The following EZH1 variants were observed in gnomAD, a reference collection of about 807,000 sequenced individuals.
The protein encoded by EZH1 is histone-lysine N-methyltransferase EZH1.
A neutral mutation model predicts 100.5 loss-of-function variants in EZH1; 33 were observed. The ratio of observed to expected loss-of-function variants is 0.33; its 90% CI spans 0.25 to 0.44. The LOEUF (loss-of-function observed/expected upper bound fraction) is 0.44. Ranked by LOEUF, EZH1 falls within the 20% of genes least tolerant of loss-of-function variation. The pLI, the probability that EZH1 is intolerant of heterozygous loss-of-function variation, is 1.00. For missense variants in EZH1, 475 were observed against 928.4 expected (o/e 0.51, Z 6.35); for synonymous variants, 272 against 313.8 (o/e 0.87, Z 1.41).
chr17:42,730,082 C>A (rs2053910896), intron 2 of EZH1, among the ~76,000 whole-genome samples: 2 of 151,948 alleles, frequency 1.3e-5, no homozygotes, highest in African/African-American at 4.8e-5. Flanking sequence ...AAAACAACAA[C>A]AACAAAATTT....
chr17:42,728,947 T>C lies in EZH1; in HGVS notation c.-6A>G, dbSNP rs1332065024. 2.5e-6 allele frequency: 4 copies of C among 1,611,940 alleles called. No individual in the cohort carries two copies. The highest frequency in any genetic ancestry group is 1.1e-5 in the South Asian group (1 of 90,688). On this transcript the variant is annotated 5_prime_UTR_variant, in exon 3 of 21. Coordinates refer to ENST00000428826, the MANE Select transcript of EZH1 (RefSeq NM_001991.5). The stretch of plus-strand genomic sequence containing the variant: ...GGGGGATTTGGTATTTCCATCTTGC[T>C]GTAATCTAAGAGAGACAGAGATGAG...
At chr17:42,703,707 C>A (rs772289651) in intron 19 of EZH1, 33 bp downstream of exon 19, 5 of 1,505,090 alleles carry the variant, frequency 3.3e-6, no homozygotes, top group Non-Finnish European at 3.7e-6. Flanking sequence ...GGCATCCATC[C>A]CCCACCCCAC....
At chr17:42,742,698 G>A (rs948209006) in intron 1 of EZH1, among the ~76,000 whole-genome samples, 22 of 152,034 alleles carry the variant, frequency 1.4e-4, no homozygotes, top group African/African-American at 5.1e-4. Flanking sequence ...TACCATTTTA[G>A]GTGTTTGGGG....
intron 18 of EZH1, 142 bp from the exon 19 acceptor site, chr17:42,703,962 G>A: frequency 1.5e-6 from 1 of 684,352 alleles, no homozygotes; most frequent in Non-Finnish European, 2.6e-6. Context: ...AACAGGAGCA[G>A]AGGAAAGCAT....
rs2053567543 is a variant in EZH1, at chr17:42,714,970, AATTTATATAAATAT to A, written c.1024-1595_1024-1582del. On this transcript the variant is annotated intron_variant, in intron 10 of 20. Coordinates refer to ENST00000428826, the MANE Select transcript of EZH1 (RefSeq NM_001991.5). ...ATTTATATAATATATAAATATATGA[AATTTATATAAATAT>A]ATTTATATATAATTTATATAAATAT... is the stretch of plus-strand genomic sequence containing the variant. Among the ~76,000 whole-genome samples the A allele has an allele frequency of 4.3e-5, 6 of 139,376 alleles. No individual in the cohort carries two copies. In the South Asian group the frequency reaches 1.3e-3, roughly 30 times the overall value. The allele number at this position is 139,376 out of a possible 152,430, so 91.4% of individuals were successfully genotyped here. A position where few individuals can be genotyped will look rare whatever the true frequency, so the allele number is the denominator to read the frequency against.
In EZH1 at chr17:42,706,261, C is replaced by A; in HGVS notation, c.1661-76G>T. 1.5e-6 allele frequency: 2 copies of A among 1,326,238 alleles called. No homozygotes were observed. The highest frequency in any genetic ancestry group is 1.0e-6 in the Non-Finnish European group (1 of 1,001,890). 82.2% of individuals were successfully genotyped at this position (1,326,238 alleles called of 1,614,324 possible). A position where few individuals can be genotyped will look rare whatever the true frequency, so the allele number is the denominator to read the frequency against. Reference sequence around the variant, plus strand: ...GGCTTGTGGTTGACTCAAGGGACAGCAAAGAAGTAAATTTTTTGTGTTCAA... The same window carrying A: ...GGCTTGTGGTTGACTCAAGGGACAGAAAAGAAGTAAATTTTTTGTGTTCAA... On this transcript the variant is annotated intron_variant, in intron 15 of 20. Transcript: ENST00000428826. The surrounding 1 kb of genome is among the most constrained non-coding windows in gnomAD (Gnocchi z 4.4).
intron 10 of EZH1, among the ~76,000 whole-genome samples, chr17:42,716,512 G>A (rs926185101): frequency 6.6e-6 from 1 of 152,124 alleles, no homozygotes; most frequent in Non-Finnish European, 1.5e-5. Flanking sequence ...AAGAAAAATT[G>A]TGCATACATT....
chr17:42,722,853 A>G lies in EZH1; in HGVS notation c.429T>C (p.Asp143=). The G allele has an allele frequency of 6.2e-7, 1 of 1,614,018 alleles. No individual in the cohort carries two copies. The highest frequency in any genetic ancestry group is 8.5e-7 in the Non-Finnish European group (1 of 1,179,988). The change falls in exon 6 of 21, where the codon GAT becomes GAC. Residue 143 remains aspartate, a synonymous_variant. Coordinates refer to ENST00000428826, the MANE Select transcript of EZH1 (RefSeq NM_001991.5). ...TGATCAGCTCCTCAATAAAAGTCTC[A>G]TCTTCTTCTTTCACTTCATCTCCCA... ...PYMGDEVKEE[D]ETFIEELINN... is the part of the protein sequence containing the mutation.
intron 1 of EZH1, among the ~76,000 whole-genome samples, chr17:42,738,511 G>A (rs923166325): frequency 1.4e-5 from 2 of 147,256 alleles, no homozygotes; most frequent in Admixed American, 6.9e-5. Flanking sequence ...GTGAGCCACC[G>A]TGCCCAGTCT....
chr17:42,741,755 C>T, intron 1 of EZH1, among the ~76,000 whole-genome samples: 1 of 151,964 alleles, frequency 6.6e-6, no homozygotes, highest in Non-Finnish European at 1.5e-5. Flanking sequence ...GTGGCTTGAT[C>T]TCGGCTCACT....
chr17:42,742,808 TAC>T (rs1472178204), intron 1 of EZH1, among the ~76,000 whole-genome samples: 1 of 152,224 alleles, frequency 6.6e-6, no homozygotes, highest in African/African-American at 2.4e-5. Context: ...ATAGCATTAT[TAC>T]AGTTTTATAG....
At chr17:42,744,406 C>T (rs895593747) in intron 1 of EZH1, among the ~76,000 whole-genome samples, 1 of 152,134 alleles carries the variant, frequency 6.6e-6, no homozygotes, top group African/African-American at 2.4e-5. Context: ...AGGGCCAGGC[C>T]TGGGGTGAGG....
intron 6 of EZH1, among the ~76,000 whole-genome samples, chr17:42,721,137 A>T (rs2053698393): frequency 6.6e-6 from 1 of 152,226 alleles, no homozygotes; most frequent in Non-Finnish European, 1.5e-5. Context: ...AAAAGACAGC[A>T]ATTTTTCCTA....
At chr17:42,737,031 G>T (rs1341658042) in intron 1 of EZH1, among the ~76,000 whole-genome samples, 3 of 149,994 alleles carry the variant, frequency 2.0e-5, no homozygotes, top group African/African-American at 7.4e-5. Flanking sequence ...TGTCGCCCAG[G>T]CTGGAGTGTA....
At position 42,718,044 on chromosome 17, in the gene EZH1, A is replaced by T; in HGVS notation, c.955T>A (p.Tyr319Asn). The T allele has an allele frequency of 6.2e-7, 1 of 1,614,164 alleles. No individual in the cohort carries two copies. The highest frequency in any genetic ancestry group is 8.5e-7 in the Non-Finnish European group (1 of 1,180,020). Residue 319 changes from tyrosine (Y) to asparagine (N), a missense_variant, in exon 10 of 21, where the codon TAT (tyrosine) becomes AAT (asparagine). This residue lies in a region of EZH1 where 180 missense variants were observed against 295.3 expected (regional missense o/e 0.61). Coordinates refer to ENST00000428826, the MANE Select transcript of EZH1 (RefSeq NM_001991.5). The surrounding 1 kb of genome is among the most constrained non-coding windows in gnomAD (Gnocchi z 4.2). ...TTGATTTCTTTATTCTTGCGTTTAT[A>T]TACATTAGGGGTGGCATGAAAAGCT... is the stretch of plus-strand genomic sequence containing the variant. The part of the protein sequence containing the change: ...LHPFHATPNV[Y>N]KRKNKEIKIE...
chr17:42,702,942 G>A lies in EZH1; in HGVS notation c.2118C>T (p.Asp706=), dbSNP rs1420867390. 1.9e-6 allele frequency: 3 copies of A among 1,614,024 alleles called. No homozygotes were observed. Among genetic ancestry groups the A allele is most frequent in the Non-Finnish European group, 2.5e-6 (3 of 1,180,016 alleles). The change falls in exon 20 of 21, where the codon GAC becomes GAT. Residue 706 remains aspartate (D), a synonymous_variant. Transcript: ENST00000428826. ...TCTTGGCAAAGATCCCAATCCGATG[G>A]TCTCCATTCACCATGACCACTGCAA... is the stretch of plus-strand genomic sequence containing the variant. ...CYAKVVMVNG[D]HRIGIFAKRA... is the part of the protein sequence containing the mutation.
At chr17:42,727,866 G>A in intron 3 of EZH1, 103 bp from the exon 4 acceptor site, 3 of 863,574 alleles carry the variant, frequency 3.5e-6, no homozygotes, top group Non-Finnish European at 4.5e-6. Context: ...ACCCAGGCTG[G>A]AGTGTAGTAG....
rs2053257820 is a variant in EZH1 at position 42,702,310 on chromosome 17, ACT to A, written c.*220_*221del. 4.5e-6 allele frequency: 2 copies of A among 446,764 alleles called. No individual in the cohort carries two copies. Among genetic ancestry groups the A allele is most frequent in the Middle Eastern group, 5.9e-4 (1 of 1,682 alleles). The allele number at this position is 446,764 out of a possible 1,614,324, so 27.7% of individuals were successfully genotyped here. A position where few individuals can be genotyped will look rare whatever the true frequency, so the allele number is the denominator to read the frequency against. On this transcript the variant is annotated 3_prime_UTR_variant, in exon 21 of 21. Coordinates refer to ENST00000428826, the MANE Select transcript of EZH1 (RefSeq NM_001991.5). ...AGAGAAACAGTCTCCCATTTCTGTA[ACT>A]CTCTGTCCTGGGAGACCAAGCCCTA...
intron 2 of EZH1, among the ~76,000 whole-genome samples, chr17:42,730,487 CTTTTTTTTTTTTT>C (rs1156867481): frequency 1.5e-5 from 1 of 66,660 alleles, no homozygotes; most frequent in Admixed American, 2.1e-4. Context: ...AGTATGTATT[CTTTTTTTTTTTTT>C]TTTTTTTTTT....
Sources: allele counts gnomAD v4.1 joint callset (sites outside exome capture counted in the v4.1 genomes callset), GRCh38; gene constraint gnomAD v4.1.1; regional missense constraint gnomAD v4.1.1; non-coding constraint Gnocchi (gnomAD v3.1); transcripts MANE v1.5; gene names NCBI Gene and HGNC (gene_info 2026-07-23, HGNC 2026-07-21).